Variants in ROBO2 observed in about 807,000 individuals in gnomAD.
ROBO2 encodes roundabout homolog 2.
A neutral mutation model predicts 160.8 loss-of-function variants in ROBO2; 53 were observed. That is an observed-to-expected ratio of 0.33 (90% CI 0.26 to 0.41). ROBO2 has a LOEUF of 0.41. Among genes scored for constraint, ROBO2 ranks in the 10% least tolerant of loss-of-function variants. The probability of loss-of-function intolerance (pLI) is 1.00; values close to 1 mark genes in which losing one functional copy is unlikely to be tolerated. For missense variants in ROBO2, 1,577 were observed against 1,722.4 expected (o/e 0.92, Z 1.49); for synonymous variants, 664 against 611.7 (o/e 1.09, Z -1.26).
chr3:77,430,597 C>A (rs1165735932), intron 2 of ROBO2, among the ~76,000 whole-genome samples: 1 of 151,906 alleles, frequency 6.6e-6, no homozygotes, highest in Non-Finnish European at 1.5e-5. Context: ...TGAAGTGGGG[C>A]TTTTTAGATG....
At chr3:77,286,774 A>G (rs1192769889) in intron 2 of ROBO2, among the ~76,000 whole-genome samples, 1 of 152,094 alleles carries the variant, frequency 6.6e-6, no homozygotes, top group African/African-American at 2.4e-5. Context: ...TTAGTCTATT[A>G]CTCTTGAAGT....
intron 2 of ROBO2, among the ~76,000 whole-genome samples, chr3:76,077,339 G>C (rs2108002466): frequency 6.6e-6 from 1 of 152,206 alleles, no homozygotes; most frequent in East Asian, 1.9e-4. Flanking sequence ...GAGGTGGGTG[G>C]ATCACTTGAG....
At chr3:77,279,592 T>A (rs1337177262) in intron 2 of ROBO2, among the ~76,000 whole-genome samples, 2 of 152,152 alleles carry the variant, frequency 1.3e-5, no homozygotes, top group Non-Finnish European at 2.9e-5. Flanking sequence ...GTTGTTGTTT[T>A]AGTTAAATGT....
intron 2 of ROBO2, among the ~76,000 whole-genome samples, chr3:76,785,473 C>T (rs1576606387): frequency 1.3e-5 from 2 of 151,316 alleles, no homozygotes; most frequent in East Asian, 3.9e-4. Context: ...TATGTATTCA[C>T]AGGGTAAGTA....
At chr3:76,790,062 G>T (rs1359783160) in intron 2 of ROBO2, among the ~76,000 whole-genome samples, 2 of 151,604 alleles carry the variant, frequency 1.3e-5, no homozygotes, top group Non-Finnish European at 3.0e-5. Flanking sequence ...GCAAGTAGTT[G>T]TAAGTTTTGG....
At chr3:76,529,624 TTTATAA>T (rs1352583780) in intron 2 of ROBO2, among the ~76,000 whole-genome samples, 3 of 152,178 alleles carry the variant, frequency 2.0e-5, no homozygotes, top group Non-Finnish European at 2.9e-5. Flanking sequence ...GTTATTATTA[TTTATAA>T]TTAAAATTAT....
intron 2 of ROBO2, among the ~76,000 whole-genome samples, chr3:77,136,877 C>T (rs534702469): frequency 4.6e-5 from 7 of 152,188 alleles, no homozygotes; most frequent in South Asian, 4.1e-4. Flanking sequence ...CCTTGTGATC[C>T]GCCCGCCTCG....
intron 2 of ROBO2, among the ~76,000 whole-genome samples, chr3:76,732,165 G>T (rs1402372173): frequency 2.0e-5 from 3 of 152,134 alleles, no homozygotes; most frequent in Non-Finnish European, 4.4e-5. Flanking sequence ...GAACCCCTGA[G>T]ATTATTTTTG....
At chr3:76,061,128 C>T (rs2068057623) in intron 2 of ROBO2, among the ~76,000 whole-genome samples, 1 of 152,290 alleles carries the variant, frequency 6.6e-6, no homozygotes, top group South Asian at 2.1e-4. Flanking sequence ...GTCAAGGTGA[C>T]TTCACATGTG....
chr3:76,922,372 G>A lies in ROBO2; in HGVS notation c.110-175642G>A, dbSNP rs993336326. Among the ~76,000 whole-genome samples, 19 of 152,240 alleles carry A rather than the reference G, an allele frequency of 1.2e-4. 1 individual carries two copies. Among genetic ancestry groups the A allele is most frequent in the South Asian group, 1.0e-3 (5 of 4,824 alleles). ...GGGAACTGGGACGTACAAAGGAGTCGGGTAATTCAAAATCTACCCTTCAGC... is the reference window on the plus strand; with the variant it reads ...GGGAACTGGGACGTACAAAGGAGTCAGGTAATTCAAAATCTACCCTTCAGC... On this transcript the variant is annotated intron_variant, in intron 2 of 26. Coordinates refer to the ROBO2 transcript ENST00000487694.
chr3:76,764,941 A>T (rs1398609144), intron 2 of ROBO2, among the ~76,000 whole-genome samples: 1 of 151,672 alleles, frequency 6.6e-6, no homozygotes, highest in Non-Finnish European at 1.5e-5. Flanking sequence ...GGGATACAAA[A>T]GTGCAGATTT....
intron 2 of ROBO2, among the ~76,000 whole-genome samples, chr3:76,879,075 C>A (rs536921152): frequency 1.3e-5 from 2 of 152,052 alleles, no homozygotes; most frequent in South Asian, 4.1e-4. Flanking sequence ...ATCGGAGAAA[C>A]CCAGATGATT....
At chr3:76,308,555 A>G (rs1313324268) in intron 2 of ROBO2, among the ~76,000 whole-genome samples, 1 of 152,148 alleles carries the variant, frequency 6.6e-6, no homozygotes, top group East Asian at 1.9e-4. Context: ...CTAAACTCAT[A>G]CTTTCACAGA....
intron 2 of ROBO2, among the ~76,000 whole-genome samples, chr3:76,068,315 T>C (rs560308237): frequency 6.6e-6 from 1 of 152,290 alleles, no homozygotes; most frequent in South Asian, 2.1e-4. Context: ...TAGTTCCTTG[T>C]AGGCCTCTGT....
intron 2 of ROBO2, among the ~76,000 whole-genome samples, chr3:76,970,002 A>G (rs1276828129): frequency 6.6e-6 from 1 of 152,202 alleles, no homozygotes; most frequent in Non-Finnish European, 1.5e-5. Context: ...CATGGTTCAA[A>G]AGTTCAGAAT....
At chr3:76,262,930 A>G (rs1706858088) in intron 2 of ROBO2, among the ~76,000 whole-genome samples, 1 of 152,176 alleles carries the variant, frequency 6.6e-6, no homozygotes, top group Admixed American at 6.5e-5. Context: ...AAGTTTTTAT[A>G]TAAAATCTCT....
intron 2 of ROBO2, among the ~76,000 whole-genome samples, chr3:75,961,027 T>C (rs866630106): frequency 6.6e-6 from 1 of 151,672 alleles, no homozygotes; most frequent in Non-Finnish European, 1.5e-5. Context: ...TAACTCTTTA[T>C]TCAGTAAGTT....
chr3:76,882,194 T>C (rs1220950775), intron 2 of ROBO2, among the ~76,000 whole-genome samples: 1 of 151,718 alleles, frequency 6.6e-6, no homozygotes, highest in Non-Finnish European at 1.5e-5. Flanking sequence ...TTGTTTTGAT[T>C]TGGTGGTTGT....
At chr3:76,196,260 A>G (rs1011048872) in intron 2 of ROBO2, among the ~76,000 whole-genome samples, 15 of 152,194 alleles carry the variant, frequency 9.9e-5, no homozygotes, top group African/African-American at 3.1e-4. Context: ...TCTAACAGCA[A>G]TTGAATTCTT....
Sources: gnomAD v4.1 joint callset for allele counts (sites outside exome capture counted in the v4.1 genomes callset) on GRCh38, gnomAD v4.1.1 for gene constraint, MANE v1.5 for transcripts, NCBI Gene and HGNC (gene_info 2026-07-23, HGNC 2026-07-21) for gene names.